Variants in SLC25A21 observed in about 807,000 individuals in gnomAD.
SLC25A21 encodes mitochondrial 2-oxodicarboxylate carrier.
SLC25A21 carries 47 observed loss-of-function variants against 43.8 expected under a neutral mutation model. The observed-to-expected ratio is 1.07, with a 90% CI of 0.85 to 1.37. The LOEUF (loss-of-function observed/expected upper bound fraction) is 1.37. Ranked by LOEUF, SLC25A21 falls within the 40% of genes most tolerant of loss-of-function variation. SLC25A21 has a pLI of 0.00. For missense variants in SLC25A21, 352 were observed against 350.2 expected (o/e 1.00, Z -0.04); for synonymous variants, 131 against 121.3 (o/e 1.08, Z -0.52).
intron 1 of SLC25A21, among the ~76,000 whole-genome samples, chr14:37,041,408 A>T (rs1961468762): frequency 6.6e-6 from 1 of 152,110 alleles, no homozygotes; most frequent in Non-Finnish European, 1.5e-5. Context: ...TAGTGCCAGC[A>T]CTCTGGAGCC....
chr14:36,970,805 G>C (rs1445848078), intron 1 of SLC25A21, among the ~76,000 whole-genome samples: 2 of 152,060 alleles, frequency 1.3e-5, no homozygotes, highest in African/African-American at 2.4e-5. Flanking sequence ...TTTTCATGTA[G>C]GTGTCCTTCT....
chr14:36,724,749 T>A (rs1415708101), intron 6 of SLC25A21, among the ~76,000 whole-genome samples: 2 of 152,158 alleles, frequency 1.3e-5, no homozygotes, highest in Non-Finnish European at 1.5e-5. Context: ...ATTGTCCAAG[T>A]GCTCATTCAG....
At chr14:37,093,292 C>A (rs1319050024) in intron 1 of SLC25A21, among the ~76,000 whole-genome samples, 1 of 152,122 alleles carries the variant, frequency 6.6e-6, no homozygotes, top group African/African-American at 2.4e-5. Flanking sequence ...TAATCTTTCT[C>A]CTGCTCACCC....
At chr14:36,740,771 G>C (rs1338555872) in intron 3 of SLC25A21, among the ~76,000 whole-genome samples, 1 of 152,104 alleles carries the variant, frequency 6.6e-6, no homozygotes, top group Non-Finnish European at 1.5e-5. Flanking sequence ...AGTCTCTGTG[G>C]TTCATGTAGA....
chr14:36,934,469 TAAA>T (rs5807923), intron 1 of SLC25A21, among the ~76,000 whole-genome samples: 82 of 140,408 alleles, frequency 5.8e-4, no homozygotes, highest in Non-Finnish European at 6.7e-4. Context: ...ATCTTGGGAG[TAAA>T]AAAAAAAAAA....
At chr14:37,005,155 C>G (rs1051645348) in intron 1 of SLC25A21, among the ~76,000 whole-genome samples, 1 of 151,850 alleles carries the variant, frequency 6.6e-6, no homozygotes, top group Non-Finnish European at 1.5e-5. Context: ...GACAGCCAAC[C>G]TTCATACATC....
At chr14:36,752,612 G>A (rs1885750729) in intron 3 of SLC25A21, among the ~76,000 whole-genome samples, 1 of 152,328 alleles carries the variant, frequency 6.6e-6, no homozygotes, top group African/African-American at 2.4e-5. Flanking sequence ...CATGCTACAT[G>A]GAATAAGCCA....
chr14:36,959,238 T>C (rs996307253), intron 1 of SLC25A21, among the ~76,000 whole-genome samples: 1 of 152,148 alleles, frequency 6.6e-6, no homozygotes, highest in Non-Finnish European at 1.5e-5. Flanking sequence ...TCCACTCTAC[T>C]AGGATCCCTA....
At chr14:37,155,454 G>T (rs1319607877) in intron 1 of SLC25A21, among the ~76,000 whole-genome samples, 1 of 152,164 alleles carries the variant, frequency 6.6e-6, no homozygotes, top group African/African-American at 2.4e-5. Context: ...TACCTAGGAA[G>T]ATACAATGCC....
chr14:37,083,922 G>A (rs139401672), intron 1 of SLC25A21, among the ~76,000 whole-genome samples: 46 of 152,292 alleles, frequency 3.0e-4, no homozygotes, highest in African/African-American at 1.1e-3. Context: ...TTTAATAAAT[G>A]CATTTAGCCA....
intron 1 of SLC25A21, among the ~76,000 whole-genome samples, chr14:36,918,682 T>G (rs1327353675): frequency 6.6e-6 from 1 of 152,010 alleles, no homozygotes; most frequent in Non-Finnish European, 1.5e-5. Context: ...ACAAACAAAT[T>G]TCATACTTTC....
intron 1 of SLC25A21, among the ~76,000 whole-genome samples, chr14:36,884,496 TG>T (rs1444832587): frequency 1.3e-5 from 2 of 152,210 alleles, no homozygotes; most frequent in African/African-American, 4.8e-5. Flanking sequence ...CACCCAGAAG[TG>T]GGATTGCTGG....
chr14:36,711,382 C>T lies in SLC25A21; in HGVS notation c.539G>A (p.Gly180Glu), dbSNP rs780365602. 6.2e-7 allele frequency: 1 copy of T among 1,614,070 alleles called. No individual in the cohort carries two copies. Among genetic ancestry groups the T allele is most frequent in the Non-Finnish European group, 8.5e-7 (1 of 1,180,012 alleles). Residue 180 changes from glycine to glutamate, a missense_variant, in exon 7 of 10, where the codon GGA becomes GAA. Transcript: ENST00000331299. Reference protein sequence around the residue: ...KGLTATLGRHGVFNMVYFGFY... With the variant: ...KGLTATLGRHEVFNMVYFGFY... ...GCCAAAATAAACCATGTTGAAAACT[C>T]CATGTCGTCCCAAAGTTGCAGTTAA...
intron 1 of SLC25A21, among the ~76,000 whole-genome samples, chr14:37,040,389 A>AAGAG (rs1961440350): frequency 1.3e-5 from 1 of 74,250 alleles, no homozygotes; most frequent in Non-Finnish European, 2.4e-5. Flanking sequence ...GAAAGAAAGA[A>AAGAG]AGAAAGAAAG....
At chr14:36,739,198 T>C (rs986786934) in intron 3 of SLC25A21, among the ~76,000 whole-genome samples, 1 of 152,226 alleles carries the variant, frequency 6.6e-6, no homozygotes, top group Non-Finnish European at 1.5e-5. Context: ...CCAATTTTTA[T>C]TCAGTTCTGT....
intron 1 of SLC25A21, among the ~76,000 whole-genome samples, chr14:37,105,538 A>G (rs1479112888): frequency 6.6e-6 from 1 of 152,186 alleles, no homozygotes; most frequent in Non-Finnish European, 1.5e-5. Flanking sequence ...CATATTTCCC[A>G]TCTTAGAATA....
At chr14:36,766,734 G>A (rs1435668305) in intron 3 of SLC25A21, among the ~76,000 whole-genome samples, 3 of 152,126 alleles carry the variant, frequency 2.0e-5, no homozygotes, top group African/African-American at 7.2e-5. Context: ...ATGGTGGAAA[G>A]GGTCAGGCCT....
intron 6 of SLC25A21, among the ~76,000 whole-genome samples, chr14:36,715,937 A>AAAATACAAAATACAAAATAATAC (rs1884111808): frequency 1.3e-5 from 2 of 152,094 alleles, no homozygotes; most frequent in Non-Finnish European, 2.9e-5. Context: ...CTAATAATAC[A>AAAATACAAAATACAAAATAATAC]AAAAGTAGCT....
chr14:36,775,985 A>C (rs1594577201), intron 3 of SLC25A21, among the ~76,000 whole-genome samples: 1 of 152,078 alleles, frequency 6.6e-6, no homozygotes, highest in Middle Eastern at 3.4e-3. Flanking sequence ...TTACCACCTC[A>C]TTTTTCTATC....
Sources: allele counts gnomAD v4.1 joint callset (sites outside exome capture counted in the v4.1 genomes callset), GRCh38; gene constraint gnomAD v4.1.1; transcripts MANE v1.5; gene names NCBI Gene and HGNC (gene_info 2026-07-23, HGNC 2026-07-21).